The following TMCO1 variants were observed in gnomAD, a reference collection of about 807,000 sequenced individuals.
TMCO1 encodes transmembrane and coiled-coil domains 1.
TMCO1 carries 29 observed loss-of-function variants against 29.3 expected under a neutral mutation model. The ratio of observed to expected loss-of-function variants is 0.99; its 90% CI spans 0.74 to 1.35. The LOEUF (loss-of-function observed/expected upper bound fraction) is 1.35. Ranked by LOEUF, TMCO1 falls within the 40% of genes most tolerant of loss-of-function variation. The pLI is 0.00. For synonymous variants in TMCO1, 80 were observed against 77.1 expected, an observed-to-expected ratio of 1.04 and a Z score of -0.20; for missense variants, 173 against 225.5, an observed-to-expected ratio of 0.77 and a Z score of 1.49.
At chr1:165,763,504 A>T (rs1038285115) in intron 2 of TMCO1, among the ~76,000 whole-genome samples, 2 of 152,202 alleles carry the variant, frequency 1.3e-5, no homozygotes, top group African/African-American at 4.8e-5. Context: ...ACCACAAGAA[A>T]TGCCATGAGT....
chr1:165,768,912 G>T, upstream of TMCO1: 2 of 1,543,186 alleles, frequency 1.3e-6, no homozygotes, highest in South Asian at 1.2e-5. Flanking sequence ...CATAGCACCG[G>T]AAAGGCTCGT....
downstream of TMCO1, chr1:165,725,528 A>G (rs1650838644): frequency 2.2e-6 from 1 of 454,044 alleles, no homozygotes; most frequent in Non-Finnish European, 4.4e-6. Flanking sequence ...TGAGTAGACT[A>G]ATGCAGATAT....
Position 165,732,388 on chromosome 1 carries a change from CAA to C in TMCO1, c.469-4269_469-4268del, listed in dbSNP as rs34558487. 4.6e-3 allele frequency among the ~76,000 whole-genome samples: 417 copies of C among 89,702 alleles called. 2 individuals carry two copies. The highest frequency in any genetic ancestry group is 0.014 in the African/African-American group (368 of 25,396). 58.8% of individuals were successfully genotyped at this position (89,702 alleles called of 152,430 possible). On this transcript the variant is annotated intron_variant, in intron 6 of 6. Coordinates refer to ENST00000367881, the MANE Select transcript of TMCO1 (RefSeq NM_019026.6). The stretch of plus-strand genomic sequence containing the variant: ...GGAATAAAAAAATCACATAAAGAAG[CAA>C]AAAAAAAAAAAAAAAGGAATAAAAA...
intron 5 of TMCO1, among the ~76,000 whole-genome samples, chr1:165,744,616 C>G (rs910078890): frequency 2.6e-5 from 4 of 151,960 alleles, no homozygotes; most frequent in Non-Finnish European, 4.4e-5. Context: ...CATGGAGAAA[C>G]CCCGTGTCTA....
At chr1:165,761,927 T>C (rs1007805176) in intron 2 of TMCO1, among the ~76,000 whole-genome samples, 4 of 151,962 alleles carry the variant, frequency 2.6e-5, no homozygotes, top group African/African-American at 9.7e-5. Context: ...CCAACCTGGG[T>C]GACAGAGTGA....
At chr1:165,724,996 C>CTT (rs1650796653), downstream of TMCO1, 1 of 106,726 alleles carries the variant, frequency 9.4e-6, no homozygotes, top group African/African-American at 7.7e-5. Context: ...TTCTCTCTCT[C>CTT]TCTCTCTCTC....
At chr1:165,766,942 T>G (rs969318814) in intron 2 of TMCO1, among the ~76,000 whole-genome samples, 1 of 152,134 alleles carries the variant, frequency 6.6e-6, no homozygotes, top group Non-Finnish European at 1.5e-5. Flanking sequence ...ATATCACGTT[T>G]GTGAAGGTAA....
At chr1:165,746,112 T>C (rs1224934277) in intron 5 of TMCO1, among the ~76,000 whole-genome samples, 2 of 152,066 alleles carry the variant, frequency 1.3e-5, no homozygotes, top group Non-Finnish European at 2.9e-5. Context: ...GAACCCCCTC[T>C]GTACTAACAA....
At chr1:165,766,297 C>T (rs1363291446) in intron 2 of TMCO1, among the ~76,000 whole-genome samples, 1 of 152,096 alleles carries the variant, frequency 6.6e-6, no homozygotes, top group Non-Finnish European at 1.5e-5. Flanking sequence ...TTCTAGCTGA[C>T]ATAACAAATT....
chr1:165,756,501 A>G (rs142282749), intron 3 of TMCO1, among the ~76,000 whole-genome samples: 31 of 152,276 alleles, frequency 2.0e-4, no homozygotes, highest in African/African-American at 7.0e-4. Context: ...ACAACAAAAC[A>G]AACTATATAA....
At chr1:165,733,714 T>C (rs1191077779) in intron 6 of TMCO1, among the ~76,000 whole-genome samples, 1 of 152,126 alleles carries the variant, frequency 6.6e-6, no homozygotes. Context: ...TGCAATCAAG[T>C]TTTGGAAAAA....
intron 6 of TMCO1, among the ~76,000 whole-genome samples, chr1:165,737,982 GT>G (rs1651454330): frequency 2.0e-5 from 3 of 152,190 alleles, no homozygotes; most frequent in Admixed American, 2.0e-4. Flanking sequence ...CATTACAAAC[GT>G]TCATGCCTCC....
At chr1:165,730,173 C>A (rs71519271) in intron 6 of TMCO1, among the ~76,000 whole-genome samples, 117,240 of 133,048 alleles carry the variant, frequency 0.88, 51,660 homozygotes, top group East Asian at 0.98. Context: ...TACACACACA[C>A]AAAAAAAAAA....
At chr1:165,740,710 T>G (rs1465299638) in intron 6 of TMCO1, among the ~76,000 whole-genome samples, 1 of 152,214 alleles carries the variant, frequency 6.6e-6, no homozygotes, top group Non-Finnish European at 1.5e-5. Context: ...GGAAATGTAA[T>G]CCCTCTGCCC....
chr1:165,752,153 A>G lies in TMCO1; in HGVS notation c.272T>C (p.Met91Thr), dbSNP rs1652016713. 6.2e-7 allele frequency: 1 copy of G among 1,613,564 alleles called. No homozygotes were observed. The highest frequency in any genetic ancestry group is 1.1e-5 in the South Asian group (1 of 91,070). Residue 91 changes from methionine (M) to threonine (T), a missense_variant, in exon 5 of 7, where the codon ATG becomes ACG. Physicochemically the swap from Met to Thr is moderately conservative, Grantham distance 81. Coordinates refer to ENST00000367881, the MANE Select transcript of TMCO1 (RefSeq NM_019026.6). ...RDLSMVRMKSMFAIGFCFTAL... is the reference protein window; with the variant it reads ...RDLSMVRMKSTFAIGFCFTAL... ...AGTAAAACAAAAGCCAATAGCAAAC[A>G]TGGATTTCATTCGAACCTGTAATGA...
intron 3 of TMCO1, among the ~76,000 whole-genome samples, chr1:165,755,861 T>C (rs1054388901): frequency 1.3e-5 from 2 of 152,014 alleles, no homozygotes; most frequent in Non-Finnish European, 2.9e-5. Flanking sequence ...AGCCAAACCA[T>C]AGGCTCTCCC....
At position 165,726,886 on chromosome 1, in the gene TMCO1, CT is replaced by C. The variant is rs1189630566; in HGVS notation, c.*1136del. 2.2e-6 allele frequency: 1 copy of C among 453,876 alleles called. No homozygotes were observed. The highest frequency in any genetic ancestry group is 2.0e-5 in the African/African-American group (1 of 49,968). The allele number at this position is 453,876 out of a possible 1,614,324, so 28.1% of individuals were successfully genotyped here. ...TATTTTCCTCAGCACTTTGAAGATA[CT>C]TTTCTACTGTCTTCTGGACTTTATG... On this transcript the variant is annotated 3_prime_UTR_variant, in exon 7 of 7. Coordinates refer to ENST00000367881, the MANE Select transcript of TMCO1 (RefSeq NM_019026.6).
rs907010828 is a variant in TMCO1 at position 165,732,854 on chromosome 1, A to G, written c.469-4733T>C. Among the ~76,000 whole-genome samples, 7 of 152,338 alleles carry G rather than the reference A, an allele frequency of 4.6e-5. No individual in the cohort carries two copies. The South Asian group carries it at 1.4e-3, about 32-fold the overall frequency. ...TAACAGTTGTATTAATAATAGTTGTATACTTTTTCTCATATCTTGCCTTCC... is the reference window on the plus strand; with the variant it reads ...TAACAGTTGTATTAATAATAGTTGTGTACTTTTTCTCATATCTTGCCTTCC... On this transcript the variant is annotated intron_variant, in intron 6 of 6. Coordinates refer to ENST00000367881, the MANE Select transcript of TMCO1 (RefSeq NM_019026.6).
intron 6 of TMCO1, among the ~76,000 whole-genome samples, chr1:165,732,143 A>C (rs1010598876): frequency 1.3e-5 from 2 of 152,174 alleles, no homozygotes; most frequent in African/African-American, 4.8e-5. Flanking sequence ...TAAAAGGACC[A>C]GACGTCACTA....
Sources: gnomAD v4.1 joint callset for allele counts (sites outside exome capture counted in the v4.1 genomes callset) on GRCh38, gnomAD v4.1.1 for gene constraint, MANE v1.5 for transcripts, NCBI Gene and HGNC (gene_info 2026-07-23, HGNC 2026-07-21) for gene names.